The following RALYL variants were observed in gnomAD, a reference collection of about 807,000 sequenced individuals.
RALYL encodes the protein RNA-binding Raly-like protein.
RALYL carries 29 observed loss-of-function variants against 35.1 expected under a neutral mutation model. The observed-to-expected ratio is 0.83, with a 90% CI of 0.61 to 1.13. The LOEUF (loss-of-function observed/expected upper bound fraction) is 1.13, where lower values mean the gene tolerates loss of function less well. Among genes scored for constraint, RALYL ranks in the 50% most tolerant of loss-of-function variants. RALYL has a pLI of 0.00. For missense variants in RALYL, 359 were observed against 360.4 expected (o/e 1.00, Z 0.03); for synonymous variants, 120 against 127.6 (o/e 0.94, Z 0.40).
chr8:84,872,166 A>G (rs961252404), intron 6 of RALYL, among the ~76,000 whole-genome samples: 17 of 152,184 alleles, frequency 1.1e-4, no homozygotes, highest in African/African-American at 3.6e-4. Context: ...GGAGGCAGAT[A>G]TAGCTGTTCC....
chr8:84,192,563 T>A (rs1319343703), intron 1 of RALYL, among the ~76,000 whole-genome samples: 1 of 151,888 alleles, frequency 6.6e-6, no homozygotes, highest in East Asian at 1.9e-4. Context: ...TTTTTTTTTT[T>A]CTTTCTTTTT....
chr8:84,840,143 T>C (rs1311202759), intron 4 of RALYL, among the ~76,000 whole-genome samples: 1 of 151,926 alleles, frequency 6.6e-6, no homozygotes, highest in Non-Finnish European at 1.5e-5. Context: ...GTTGAGAGAA[T>C]AAGGCTTCAG....
chr8:84,604,895 C>A (rs186672100), intron 2 of RALYL, among the ~76,000 whole-genome samples: 2 of 152,100 alleles, frequency 1.3e-5, no homozygotes, highest in African/African-American at 4.8e-5. Flanking sequence ...AATGGTAAAT[C>A]TTTGAAAAGC....
intron 2 of RALYL, among the ~76,000 whole-genome samples, chr8:84,558,336 G>A (rs1188961632): frequency 6.6e-6 from 1 of 151,950 alleles, no homozygotes; most frequent in African/African-American, 2.4e-5. Flanking sequence ...TCCAAATTAG[G>A]TATTCATTTA....
intron 2 of RALYL, among the ~76,000 whole-genome samples, chr8:84,609,068 G>A (rs1343405322): frequency 6.6e-6 from 1 of 152,088 alleles, no homozygotes; most frequent in East Asian, 1.9e-4. Flanking sequence ...GACCTTTCCA[G>A]TATATCATTC....
At chr8:84,610,203 C>T (rs548997058) in intron 2 of RALYL, among the ~76,000 whole-genome samples, 6 of 151,934 alleles carry the variant, frequency 3.9e-5, no homozygotes, top group Admixed American at 1.3e-4. Flanking sequence ...TTTTATGTTC[C>T]GGGATCCCAT....
Position 84,227,790 on chromosome 8 carries a change from T to C in RALYL, c.-24+43366T>C, listed in dbSNP as rs1824311067. Among the ~76,000 whole-genome samples the C allele has an allele frequency of 2.0e-5, 3 of 152,166 alleles. 1 individual carries two copies. The South Asian group carries it at 6.2e-4, about 32-fold the overall frequency. On this transcript the variant is annotated intron_variant, in intron 1 of 8. Coordinates refer to ENST00000521268, the MANE Select transcript of RALYL (RefSeq NM_173848.7). ...TAATTAGGTACTATGAATCAAATCT[T>C]AGAAATCACTTTCATTATTGTAATA...
At chr8:84,542,158 C>T (rs1349936388) in intron 2 of RALYL, among the ~76,000 whole-genome samples, 1 of 151,990 alleles carries the variant, frequency 6.6e-6, no homozygotes, top group Non-Finnish European at 1.5e-5. Flanking sequence ...GCCGTTTCCA[C>T]TCTGTTAGCT....
chr8:84,688,359 C>T (rs1032970629), intron 2 of RALYL, among the ~76,000 whole-genome samples: 1 of 151,830 alleles, frequency 6.6e-6, no homozygotes, highest in Non-Finnish European at 1.5e-5. Flanking sequence ...ATCGAAACAG[C>T]CTGATGCTGG....
intron 1 of RALYL, among the ~76,000 whole-genome samples, chr8:84,482,119 T>C (rs952377437): frequency 6.6e-6 from 1 of 152,088 alleles, no homozygotes; most frequent in Non-Finnish European, 1.5e-5. Context: ...TTAAATAATA[T>C]GCTTACACTT....
intron 3 of RALYL, among the ~76,000 whole-genome samples, chr8:84,782,569 G>A (rs1233349251): frequency 6.6e-6 from 1 of 152,172 alleles, no homozygotes; most frequent in Non-Finnish European, 1.5e-5. Flanking sequence ...TGAAATTGTT[G>A]CTTTCTTTTA....
rs190551420 is a variant in RALYL, at chr8:84,852,897, T to C, written c.413+2870T>C. 1.1e-4 allele frequency among the ~76,000 whole-genome samples: 16 copies of C among 152,236 alleles called. No homozygotes were observed. The East Asian group carries it at 1.5e-3, about 15-fold the overall frequency. Reference sequence around the variant, plus strand: ...CCTAGGTACAATGCTTGTTTATACATAGGACAACAACAACAACAACAAAAA... The same window carrying C: ...CCTAGGTACAATGCTTGTTTATACACAGGACAACAACAACAACAACAAAAA... On this transcript the variant is annotated intron_variant, in intron 5 of 8. Coordinates refer to ENST00000521268, the MANE Select transcript of RALYL (RefSeq NM_173848.7).
At chr8:84,294,066 T>C (rs1839303439) in intron 1 of RALYL, among the ~76,000 whole-genome samples, 1 of 152,108 alleles carries the variant, frequency 6.6e-6, no homozygotes, top group Non-Finnish European at 1.5e-5. Flanking sequence ...AACTGTAGGG[T>C]TTTCCCTCTC....
intron 2 of RALYL, among the ~76,000 whole-genome samples, chr8:84,622,924 T>C (rs1821877724): frequency 6.6e-6 from 1 of 152,200 alleles, no homozygotes; most frequent in Admixed American, 6.5e-5. Context: ...GAAGTTTGGT[T>C]GTGACAAATT....
intron 2 of RALYL, among the ~76,000 whole-genome samples, chr8:84,560,058 A>G (rs1219634668): frequency 2.0e-5 from 3 of 151,592 alleles, no homozygotes; most frequent in Admixed American, 6.6e-5. Context: ...ACTATGTGAG[A>G]GTTTATAATT....
chr8:84,185,574 G>A (rs1450898889), intron 1 of RALYL, among the ~76,000 whole-genome samples: 4 of 152,076 alleles, frequency 2.6e-5, no homozygotes, highest in Non-Finnish European at 5.9e-5. Flanking sequence ...ATTTCCTGAA[G>A]GCATACATCT....
chr8:84,800,195 T>C (rs1198815529), intron 3 of RALYL, among the ~76,000 whole-genome samples: 6 of 152,184 alleles, frequency 3.9e-5, no homozygotes, highest in Admixed American at 6.5e-5. Context: ...TTGAGGCACA[T>C]GTAAACAAAG....
chr8:84,763,927 G>A (rs947103336), intron 2 of RALYL, among the ~76,000 whole-genome samples: 5 of 152,134 alleles, frequency 3.3e-5, no homozygotes, highest in African/African-American at 7.2e-5. Flanking sequence ...ACAAGGATTC[G>A]TCAACTTTCA....
intron 2 of RALYL, among the ~76,000 whole-genome samples, chr8:84,689,818 C>T (rs991320864): frequency 1.3e-5 from 2 of 152,090 alleles, no homozygotes; most frequent in Non-Finnish European, 2.9e-5. Context: ...TTGCATTTCT[C>T]TGATGGCCAG....
Sources: gnomAD v4.1 joint callset for allele counts (sites outside exome capture counted in the v4.1 genomes callset) on GRCh38, gnomAD v4.1.1 for gene constraint, MANE v1.5 for transcripts, NCBI Gene and HGNC (gene_info 2026-07-23, HGNC 2026-07-21) for gene names.